Variants in MFAP3L observed in about 807,000 individuals in gnomAD.
The protein encoded by MFAP3L is microfibrillar-associated protein 3-like.
Under a neutral mutation model 20.0 loss-of-function variants are expected in MFAP3L, and 5 were observed. That is an observed-to-expected ratio of 0.25 (90% CI 0.13 to 0.53). MFAP3L has a LOEUF of 0.53. MFAP3L is among the 20% of genes least tolerant of loss of function. MFAP3L has a pLI of 0.96. For synonymous variants in MFAP3L, 219 were observed against 213.0 expected, an observed-to-expected ratio of 1.03 and a Z score of -0.25; for missense variants, 409 against 527.5, an observed-to-expected ratio of 0.78 and a Z score of 2.20.
intron 1 of MFAP3L, among the ~76,000 whole-genome samples, chr4:170,014,633 A>G (rs1237767584): frequency 6.6e-6 from 1 of 152,188 alleles, no homozygotes; most frequent in Non-Finnish European, 1.5e-5. Flanking sequence ...AATCTTCTTA[A>G]TATGCTTTCC....
chr4:169,999,204 A>G (rs1738433527), intron 2 of MFAP3L, among the ~76,000 whole-genome samples: 1 of 152,132 alleles, frequency 6.6e-6, no homozygotes, highest in Non-Finnish European at 1.5e-5. Flanking sequence ...CTCCCAAGAG[A>G]CCTCTTCAGA....
chr4:170,026,632 C>T (rs1330239783), upstream of MFAP3L, among the ~76,000 whole-genome samples: 1 of 152,066 alleles, frequency 6.6e-6, no homozygotes, highest in Non-Finnish European at 1.5e-5. Context: ...TCAGTCCGCT[C>T]AGCCTCTGGG....
At chr4:170,019,848 G>C (rs1180911167) in intron 1 of MFAP3L, among the ~76,000 whole-genome samples, 1 of 152,170 alleles carries the variant, frequency 6.6e-6, no homozygotes, top group South Asian at 2.1e-4. Context: ...CTGTTGACTA[G>C]AGTCAATTTC....
At position 170,002,369 on chromosome 4, in the gene MFAP3L, G is replaced by A. The variant is rs551266171; in HGVS notation, c.298+3211C>T. 4.0e-4 allele frequency: 199 copies of A among 501,436 alleles called. 1 individual carries two copies. The African/African-American group carries it at 4.0e-3, about 10-fold the overall frequency. 31.1% of individuals were successfully genotyped at this position (501,436 alleles called of 1,614,324 possible). On this transcript the variant is annotated intron_variant, in intron 2 of 2. Coordinates refer to ENST00000361618, the MANE Select transcript of MFAP3L (RefSeq NM_021647.8). ...CACTTCACTGTAGGGCTTATTATAAGGATTAGAAATAATATATGTCACTTG... is the reference window on the plus strand; with the variant it reads ...CACTTCACTGTAGGGCTTATTATAAAGATTAGAAATAATATATGTCACTTG...
Position 169,988,147 on chromosome 4 carries a change from T to C in MFAP3L, c.*3231A>G, listed in dbSNP as rs1019892160. ...GAAGCTATATATCACATGTATCACG[T>C]TTGGTTCCTAGAGATTTTAGTCAAG... On this transcript the variant is annotated 3_prime_UTR_variant, in exon 3 of 3. Coordinates refer to ENST00000361618, the MANE Select transcript of MFAP3L (RefSeq NM_021647.8). 6.6e-6 allele frequency: 1 copy of C among 152,196 alleles called. No homozygotes were observed. Among genetic ancestry groups the C allele is most frequent in the Non-Finnish European group, 1.5e-5 (1 of 68,022 alleles). 9.4% of individuals were successfully genotyped at this position (152,196 alleles called of 1,614,324 possible).
At chr4:170,005,263 A>C (rs1004806343) in intron 2 of MFAP3L, 68 of 391,648 alleles carry the variant, frequency 1.7e-4, no homozygotes, top group Non-Finnish European at 2.5e-4. Context: ...AACTCCCTTA[A>C]AAATTGAATA....
At position 169,991,380 on chromosome 4, in the gene MFAP3L, A is replaced by T; in HGVS notation, c.1228T>A (p.Ter410LysextTer18). Reference sequence around the variant, plus strand: ...TGCATAGCTTTTCGGGGTTGGTATTAGACATGGCTTTCGTAAATAATGCAG... The same window carrying T: ...TGCATAGCTTTTCGGGGTTGGTATTTGACATGGCTTTCGTAAATAATGCAG... ...NTCIIYESHV* is the reference protein window; with the variant it reads ...NTCIIYESHVK Residue 410 changes from the stop codon to lysine (K), a stop_lost, in exon 3 of 3, where the codon TAA becomes AAA. Transcript: ENST00000361618. This position sits in a 1 kb window ranked among gnomAD's most constrained non-coding sequence, Gnocchi z 4.9. 6.2e-7 allele frequency: 1 copy of T among 1,613,120 alleles called. No homozygotes were observed. The highest frequency in any genetic ancestry group is 8.5e-7 in the Non-Finnish European group (1 of 1,179,390).
intron 2 of MFAP3L, among the ~76,000 whole-genome samples, chr4:170,003,226 TA>T (rs1738796575): frequency 6.6e-6 from 1 of 152,220 alleles, no homozygotes; most frequent in Non-Finnish European, 1.5e-5. Context: ...TTAAAATAGC[TA>T]ACTGATTTAT....
At chr4:169,994,292 C>T (rs1172252035) in intron 2 of MFAP3L, 1 of 985,194 alleles carries the variant, frequency 1.0e-6, no homozygotes. Flanking sequence ...AGTTTGTTTA[C>T]CTCCTCCCCA....
chr4:169,991,807 C>A lies in MFAP3L; in HGVS notation c.801G>T (p.Gly267=). The A allele has an allele frequency of 6.2e-7, 1 of 1,614,166 alleles. No homozygotes were observed. The highest frequency in any genetic ancestry group is 8.5e-7 in the Non-Finnish European group (1 of 1,180,046). ...CTGGAGTATGCCTCACAAAATTCTGCCCCTGCTCCTCCAGCCCAACCACCT... is the reference window on the plus strand; with the variant it reads ...CTGGAGTATGCCTCACAAAATTCTGACCCTGCTCCTCCAGCCCAACCACCT... ...IMEVVGLEEQ[G]QNFVRHTPEG... The change falls in exon 3 of 3, where the codon GGG becomes GGT. Residue 267 remains glycine (G), a synonymous_variant. Coordinates refer to ENST00000361618, the MANE Select transcript of MFAP3L (RefSeq NM_021647.8). This position sits in a 1 kb window ranked among gnomAD's most constrained non-coding sequence, Gnocchi z 4.9.
At chr4:170,026,646 G>A (rs375087738), upstream of MFAP3L, among the ~76,000 whole-genome samples, 1 of 151,150 alleles carries the variant, frequency 6.6e-6, no homozygotes, top group Non-Finnish European at 1.5e-5. Flanking sequence ...CTCTGGGCCG[G>A]GCCTCGGCGG....
intron 1 of MFAP3L, among the ~76,000 whole-genome samples, chr4:170,011,474 A>C (rs1331886959): frequency 7.9e-5 from 12 of 152,326 alleles, no homozygotes; most frequent in Non-Finnish European, 1.5e-5. Context: ...CTCTAATCAC[A>C]CAAAGGTAAT....
intron 2 of MFAP3L, among the ~76,000 whole-genome samples, chr4:170,000,054 A>G (rs1422542682): frequency 6.6e-6 from 1 of 152,202 alleles, no homozygotes; most frequent in Non-Finnish European, 1.5e-5. Flanking sequence ...CTGTGGAGAA[A>G]ACAGTTCCCA....
intron 2 of MFAP3L, among the ~76,000 whole-genome samples, chr4:169,999,597 C>A (rs1485328122): frequency 6.6e-6 from 1 of 152,152 alleles, no homozygotes; most frequent in Non-Finnish European, 1.5e-5. Flanking sequence ...TAATCACTTC[C>A]ATTTTGGGAA....
At chr4:169,998,560 TAA>T (rs1302974676) in intron 2 of MFAP3L, among the ~76,000 whole-genome samples, 1 of 152,138 alleles carries the variant, frequency 6.6e-6, no homozygotes, top group Non-Finnish European at 1.5e-5. Context: ...CACTGAGCGT[TAA>T]AAATTAACAT....
chr4:170,014,562 G>C (rs1187531693), intron 1 of MFAP3L, among the ~76,000 whole-genome samples: 3 of 152,200 alleles, frequency 2.0e-5, no homozygotes, highest in Non-Finnish European at 4.4e-5. Flanking sequence ...TGCCTGGATG[G>C]AGGAAGCAAA....
chr4:170,007,924 G>A (rs11935418), intron 1 of MFAP3L, among the ~76,000 whole-genome samples: 55,393 of 151,980 alleles, frequency 0.36, 13,881 homozygotes, highest in African/African-American at 0.72. Context: ...TTTCCCCCCA[G>A]TTAAAGAAAA....
chr4:170,014,850 TA>T (rs1425149759), intron 1 of MFAP3L, among the ~76,000 whole-genome samples: 1 of 152,160 alleles, frequency 6.6e-6, no homozygotes, highest in Admixed American at 6.5e-5. Flanking sequence ...CATACAATCT[TA>T]CAAAGGGTGG....
intron 2 of MFAP3L, chr4:170,002,124 G>A: frequency 2.0e-6 from 2 of 985,010 alleles, no homozygotes; most frequent in Non-Finnish European, 2.4e-6. Flanking sequence ...TCCTAACACT[G>A]TCTGACCTTG....
Sources: gnomAD v4.1 joint callset for allele counts (sites outside exome capture counted in the v4.1 genomes callset) on GRCh38, gnomAD v4.1.1 for gene constraint, Gnocchi (gnomAD v3.1) non-coding constraint, MANE v1.5 for transcripts, NCBI Gene and HGNC (gene_info 2026-07-23, HGNC 2026-07-21) for gene names.